The following PDE1C variants were observed in gnomAD, a reference collection of about 807,000 sequenced individuals.
PDE1C encodes the protein phosphodiesterase 1C.
A neutral mutation model predicts 93.1 loss-of-function variants in PDE1C; 62 were observed. That is an observed-to-expected ratio of 0.67 (90% CI 0.54 to 0.82). The LOEUF is 0.82. PDE1C is among the 40% of genes least tolerant of loss of function. PDE1C has a pLI of 0.00. For synonymous variants in PDE1C, 325 were observed against 310.1 expected, an observed-to-expected ratio of 1.05 and a Z score of -0.50; for missense variants, 742 against 884.6, an observed-to-expected ratio of 0.84 and a Z score of 2.04.
chr7:32,068,030 G>A (rs879563256), intron 1 of PDE1C, among the ~76,000 whole-genome samples: 11 of 152,296 alleles, frequency 7.2e-5, no homozygotes, highest in Middle Eastern at 3.4e-3. Flanking sequence ...TAATCCAGGC[G>A]TGAGTTGATG....
intron 3 of PDE1C, among the ~76,000 whole-genome samples, chr7:32,121,451 A>C (rs145434809): frequency 1.3e-5 from 2 of 152,278 alleles, no homozygotes; most frequent in Non-Finnish European, 2.9e-5. Context: ...GGTTGAAATG[A>C]AGGAAAAAAT....
the PDE1C span, among the ~76,000 whole-genome samples, chr7:31,675,164 A>T: frequency 6.6e-6 from 1 of 152,140 alleles, no homozygotes; most frequent in African/African-American, 2.4e-5. Flanking sequence ...CAGAGCTGTC[A>T]AGATGTGGTT....
At chr7:31,631,990 C>CCAGTGACCACCTGTTAG in the PDE1C span, among the ~76,000 whole-genome samples, 1 of 152,160 alleles carries the variant, frequency 6.6e-6, no homozygotes, top group Non-Finnish European at 1.5e-5. Flanking sequence ...CCTGCAGGTC[C>CCAGTGACCACCTGTTAG]CAGTGACCAC....
chr7:32,094,656 A>G (rs1055899612), intron 3 of PDE1C, among the ~76,000 whole-genome samples: 1 of 152,148 alleles, frequency 6.6e-6, no homozygotes. Context: ...TTGTGCAAGG[A>G]CCGCCCTCAT....
chr7:31,625,170 T>C, the PDE1C span, among the ~76,000 whole-genome samples: 2 of 152,126 alleles, frequency 1.3e-5, no homozygotes, highest in Admixed American at 6.5e-5. Context: ...TTTACATTGT[T>C]GGTGGGACTG....
intron 2 of PDE1C, among the ~76,000 whole-genome samples, chr7:31,934,031 C>T (rs1164831227): frequency 6.6e-6 from 1 of 152,072 alleles, no homozygotes; most frequent in Non-Finnish European, 1.5e-5. Context: ...TGCGCTATTC[C>T]ACTTCATGCT....
the PDE1C span, chr7:31,642,552 G>T: frequency 1.8e-5 from 15 of 814,568 alleles, no homozygotes; most frequent in South Asian, 2.6e-4. Flanking sequence ...GAGGTAAACA[G>T]ATGCAAAACC....
chr7:32,165,292 C>G (rs1034684879), intron 3 of PDE1C, among the ~76,000 whole-genome samples: 1 of 152,230 alleles, frequency 6.6e-6, no homozygotes, highest in Non-Finnish European at 1.5e-5. Flanking sequence ...GTGCTTGGCT[C>G]ATTCACATGC....
At chr7:32,307,031 G>T (rs1813021421) in intron 1 of PDE1C, among the ~76,000 whole-genome samples, 2 of 152,202 alleles carry the variant, frequency 1.3e-5, no homozygotes, top group South Asian at 4.1e-4. Flanking sequence ...TCTCACCTCT[G>T]ACTTCCTGGA....
intron 2 of PDE1C, among the ~76,000 whole-genome samples, chr7:32,048,450 G>C (rs1001055585): frequency 2.6e-5 from 4 of 152,030 alleles, no homozygotes; most frequent in Admixed American, 6.6e-5. Context: ...CATGTAGTAA[G>C]AAGCCCAAGC....
At chr7:32,410,851 G>A (rs1785155634) in intron 1 of PDE1C, among the ~76,000 whole-genome samples, 1 of 152,164 alleles carries the variant, frequency 6.6e-6, no homozygotes, top group Non-Finnish European at 1.5e-5. Context: ...CCACAAGTGT[G>A]ATGGCTGTCC....
chr7:32,402,484 G>A (rs985639607), intron 1 of PDE1C, among the ~76,000 whole-genome samples: 1 of 152,110 alleles, frequency 6.6e-6, no homozygotes, highest in African/African-American at 2.4e-5. Context: ...CCAGTAGAGA[G>A]AGGAAGTTAG....
At chr7:31,796,788 G>A (rs1785361328) in intron 16 of PDE1C, among the ~76,000 whole-genome samples, 1 of 151,644 alleles carries the variant, frequency 6.6e-6, no homozygotes, top group Admixed American at 6.6e-5. Context: ...AGCTCTTATT[G>A]TTGGGTCACC....
intron 3 of PDE1C, among the ~76,000 whole-genome samples, chr7:32,128,217 G>A (rs879801889): frequency 6.6e-6 from 1 of 151,620 alleles, no homozygotes; most frequent in Non-Finnish European, 1.5e-5. Context: ...ATAAACACCA[G>A]TGTATTAAAG....
chr7:31,712,970 G>C, the PDE1C span, among the ~76,000 whole-genome samples: 1,238 of 152,210 alleles, frequency 8.1e-3, 12 homozygotes, highest in Middle Eastern at 0.037. Context: ...ATTTGGGGGG[G>C]ACACAGCCAA....
At chr7:32,169,723 C>A in intron 3 of PDE1C, 1 of 1,438,298 alleles carries the variant, frequency 7.0e-7, no homozygotes. Flanking sequence ...ATGCATCTAA[C>A]TGGATTGAAA....
At chr7:31,722,436 A>C in the PDE1C span, among the ~76,000 whole-genome samples, 1 of 152,226 alleles carries the variant, frequency 6.6e-6, no homozygotes, top group East Asian at 1.9e-4. Flanking sequence ...AATGTAGACA[A>C]GGACCTTACC....
chr7:32,418,233 A>AT (rs984952734), intron 1 of PDE1C, among the ~76,000 whole-genome samples: 4 of 139,808 alleles, frequency 2.9e-5, no homozygotes, highest in East Asian at 1.9e-4. Context: ...TTGGCCAATT[A>AT]TTTTTTTATC....
chr7:31,929,771 C>T (rs891152232), intron 2 of PDE1C, among the ~76,000 whole-genome samples: 1 of 152,100 alleles, frequency 6.6e-6, no homozygotes, highest in African/African-American at 2.4e-5. Context: ...GAATCTCTGG[C>T]ACACGGCTAA....
Sources: allele counts gnomAD v4.1 joint callset (sites outside exome capture counted in the v4.1 genomes callset), GRCh38; gene constraint gnomAD v4.1.1; transcripts MANE v1.5; gene names NCBI Gene and HGNC (gene_info 2026-07-23, HGNC 2026-07-21).